ZFAT: variants seen among roughly 807,000 people sequenced by gnomAD.
The protein encoded by ZFAT is zinc finger protein ZFAT.
Under a neutral mutation model 117.7 loss-of-function variants are expected in ZFAT, and 64 were observed. That is an observed-to-expected ratio of 0.54 (90% confidence interval 0.44 to 0.67). The LOEUF (loss-of-function observed/expected upper bound fraction) is 0.67, where lower values mean the gene tolerates loss of function less well. ZFAT is among the 30% of genes least tolerant of loss of function. The pLI, the probability that ZFAT is intolerant of heterozygous loss-of-function variation, is 0.00. For synonymous variants in ZFAT, 679 were observed against 615.0 expected, an observed-to-expected ratio of 1.10 and a Z score of -1.54; for missense variants, 1,433 against 1,584.5, an observed-to-expected ratio of 0.90 and a Z score of 1.62.
At chr8:134,711,982 G>T (rs1814017377) in intron 1 of ZFAT, among the ~76,000 whole-genome samples, 1 of 152,202 alleles carries the variant, frequency 6.6e-6, no homozygotes, top group African/African-American at 2.4e-5. Flanking sequence ...ATCTCCAAAA[G>T]GTCACTTGGA....
At chr8:134,558,419 A>G (rs571588881) in intron 11 of ZFAT, among the ~76,000 whole-genome samples, 18 of 152,378 alleles carry the variant, frequency 1.2e-4, no homozygotes, top group African/African-American at 4.1e-4. Context: ...ATAAGAAGAC[A>G]GAGGCTCAAA....
intron 8 of ZFAT, among the ~76,000 whole-genome samples, chr8:134,589,368 C>A (rs1248617641): frequency 1.3e-5 from 2 of 152,236 alleles, no homozygotes; most frequent in Non-Finnish European, 2.9e-5. Flanking sequence ...TCTATTATTT[C>A]TTTATCTTCC....
At chr8:134,485,528 T>C (rs1388914431) in intron 15 of ZFAT, among the ~76,000 whole-genome samples, 1 of 152,184 alleles carries the variant, frequency 6.6e-6, no homozygotes, top group Non-Finnish European at 1.5e-5. Flanking sequence ...TGACACACGT[T>C]TTCTGGAATC....
At chr8:134,641,191 G>A (rs562923852) in intron 2 of ZFAT, among the ~76,000 whole-genome samples, 10 of 152,054 alleles carry the variant, frequency 6.6e-5, no homozygotes, top group African/African-American at 2.4e-4. Context: ...TGGCCTTCAA[G>A]GTCCTTTAGC....
intron 1 of ZFAT, among the ~76,000 whole-genome samples, chr8:134,694,739 G>GC (rs1833743376): frequency 6.6e-6 from 1 of 152,068 alleles, no homozygotes; most frequent in Admixed American, 6.5e-5. Context: ...GTGTTCCTGT[G>GC]CCCCCTCCCC....
At chr8:134,763,453 C>A in the ZFAT span, among the ~76,000 whole-genome samples, 1 of 152,186 alleles carries the variant, frequency 6.6e-6, no homozygotes, top group African/African-American at 2.4e-5. Context: ...CAGCTCAAAT[C>A]TTACCTTCTT....
the ZFAT span, chr8:134,795,665 T>G: frequency 6.6e-6 from 1 of 152,212 alleles, no homozygotes; most frequent in Non-Finnish European, 1.5e-5. Context: ...GATAATAGAT[T>G]GGGACAGGTC....
At chr8:134,575,750 G>C (rs1409400974) in intron 10 of ZFAT, among the ~76,000 whole-genome samples, 1 of 152,188 alleles carries the variant, frequency 6.6e-6, no homozygotes, top group Non-Finnish European at 1.5e-5. Context: ...CCAGCACACA[G>C]AGGTTTGCTG....
At chr8:134,487,872 G>A (rs1207748177) in intron 15 of ZFAT, among the ~76,000 whole-genome samples, 1 of 152,162 alleles carries the variant, frequency 6.6e-6, no homozygotes, top group East Asian at 1.9e-4. Context: ...GCTCTCCCTC[G>A]CCTTCCTGGC....
intron 12 of ZFAT, among the ~76,000 whole-genome samples, chr8:134,528,128 A>G (rs1324680430): frequency 6.6e-6 from 1 of 152,176 alleles, no homozygotes; most frequent in Non-Finnish European, 1.5e-5. Flanking sequence ...AAACATCTAC[A>G]AACTTTAGGG....
intron 2 of ZFAT, among the ~76,000 whole-genome samples, chr8:134,656,536 G>A (rs1158112441): frequency 1.3e-5 from 2 of 152,178 alleles, no homozygotes; most frequent in Non-Finnish European, 2.9e-5. Context: ...CTTCTGTCAG[G>A]CATGTTTCTC....
chr8:134,754,572 C>T, the ZFAT span, among the ~76,000 whole-genome samples: 2 of 152,350 alleles, frequency 1.3e-5, no homozygotes, highest in South Asian at 4.1e-4. Flanking sequence ...ATTAAGACAA[C>T]GTGTGTCTCA....
chr8:134,510,281 G>C (rs1456311247), intron 14 of ZFAT: 1 of 404,526 alleles, frequency 2.5e-6, no homozygotes, highest in Non-Finnish European at 5.1e-6. Context: ...CATCTCTAAA[G>C]ACGGGATTCT....
intron 2 of ZFAT, among the ~76,000 whole-genome samples, chr8:134,639,562 AG>A (rs1197324315): frequency 6.6e-6 from 1 of 152,228 alleles, no homozygotes; most frequent in Non-Finnish European, 1.5e-5. Flanking sequence ...TTAAACAAGG[AG>A]AAAAAAGCCT....
At chr8:134,830,835 T>C in the ZFAT span, among the ~76,000 whole-genome samples, 1 of 152,242 alleles carries the variant, frequency 6.6e-6, no homozygotes, top group Admixed American at 6.5e-5. Context: ...ATGCCACAGC[T>C]AGTACCTGAT....
rs749014241 is a variant in ZFAT, at chr8:134,588,266, C to T, written c.2693G>A (p.Arg898His). The stretch of plus-strand genomic sequence containing the variant: ...CTCACCTTCATGAGCCCAAATATGA[C>T]GCTGAAGGTCTGAGCCATTCTTCAT... Reference protein sequence around the residue: ...YFMKNGSDLQRHIWAHEGVKP... With the variant: ...YFMKNGSDLQHHIWAHEGVKP... The change falls in exon 9 of 16, where the codon CGT (arginine) becomes CAT (histidine). Residue 898 changes from arginine (R) to histidine (H), a missense_variant. Physicochemically the swap from Arg to His is conservative, Grantham distance 29 (BLOSUM62 0). Coordinates refer to ENST00000377838, the MANE Select transcript of ZFAT (RefSeq NM_020863.4). 2.3e-5 allele frequency: 36 copies of T among 1,569,486 alleles called. No individual in the cohort carries two copies. The highest frequency in any genetic ancestry group is 2.4e-5 in the South Asian group (2 of 85,008).
At chr8:134,641,564 G>A (rs114763311) in intron 2 of ZFAT, among the ~76,000 whole-genome samples, 1,586 of 152,226 alleles carry the variant, frequency 0.01, 19 homozygotes, top group African/African-American at 0.037. Flanking sequence ...GTGTGTATGC[G>A]CCCACACCAC....
At chr8:134,791,371 C>T in the ZFAT span, among the ~76,000 whole-genome samples, 2 of 152,216 alleles carry the variant, frequency 1.3e-5, no homozygotes, top group East Asian at 3.9e-4. Context: ...TATAGTCAGG[C>T]CATATCTCTT....
the ZFAT span, among the ~76,000 whole-genome samples, chr8:134,726,232 A>C: frequency 6.6e-6 from 1 of 152,148 alleles, no homozygotes; most frequent in Non-Finnish European, 1.5e-5. Context: ...AAGAGGGCCA[A>C]GCGGGCAACT....
Sources: allele counts gnomAD v4.1 joint callset (sites outside exome capture counted in the v4.1 genomes callset), GRCh38; gene constraint gnomAD v4.1.1; transcripts MANE v1.5; gene names NCBI Gene and HGNC (gene_info 2026-07-23, HGNC 2026-07-21).